Variants in HSD17B4 observed in about 807,000 individuals in gnomAD.
The protein encoded by HSD17B4 is peroxisomal multifunctional enzyme type 2.
In HSD17B4, 70 loss-of-function variants were observed where a neutral mutation model predicts 101.0. The ratio of observed to expected loss-of-function variants is 0.69; its 90% CI spans 0.57 to 0.85. The LOEUF (loss-of-function observed/expected upper bound fraction) is 0.85. Ranked by LOEUF, HSD17B4 falls within the 40% of genes least tolerant of loss-of-function variation. HSD17B4 has a pLI of 0.00. For missense variants in HSD17B4, 984 were observed against 892.4 expected (o/e 1.10, Z -1.31); for synonymous variants, 347 against 297.1 (o/e 1.17, Z -1.73).
chr5:119,462,627 G>A (rs1488025338), intron 2 of HSD17B4, among the ~76,000 whole-genome samples: 3 of 152,014 alleles, frequency 2.0e-5, no homozygotes, highest in African/African-American at 7.2e-5. Context: ...ACATGTTATG[G>A]ATACAATTCT....
intron 2 of HSD17B4, among the ~76,000 whole-genome samples, chr5:119,470,734 G>C (rs902072241): frequency 6.6e-6 from 1 of 152,202 alleles, no homozygotes; most frequent in South Asian, 2.1e-4. Flanking sequence ...TCTACCTGAA[G>C]TGCTGTTATT....
intron 16 of HSD17B4, among the ~76,000 whole-genome samples, chr5:119,511,930 TTAG>T (rs1384660063): frequency 6.6e-6 from 1 of 152,142 alleles, no homozygotes; most frequent in East Asian, 1.9e-4. Context: ...TTGAGAGAAC[TTAG>T]TAGACAGACT....
chr5:119,479,927 A>G (rs752623895), intron 8 of HSD17B4, among the ~76,000 whole-genome samples: 14 of 152,190 alleles, frequency 9.2e-5, no homozygotes, highest in Admixed American at 2.0e-4. Flanking sequence ...ACTATCTTCC[A>G]AAATGATTGT....
intron 16 of HSD17B4, among the ~76,000 whole-genome samples, chr5:119,512,572 A>AG (rs959386192): frequency 6.6e-6 from 1 of 152,166 alleles, no homozygotes; most frequent in Non-Finnish European, 1.5e-5. Context: ...GGAAAAAAAA[A>AG]AAATACCACA....
At chr5:119,459,393 A>G (rs771654600) in intron 2 of HSD17B4, among the ~76,000 whole-genome samples, 2 of 152,208 alleles carry the variant, frequency 1.3e-5, no homozygotes, top group Admixed American at 6.5e-5. Context: ...CACTCTGCTC[A>G]AGAACTGGAT....
intron 23 of HSD17B4, among the ~76,000 whole-genome samples, chr5:119,538,649 C>T (rs1754729567): frequency 6.6e-6 from 1 of 152,124 alleles, no homozygotes; most frequent in Non-Finnish European, 1.5e-5. Context: ...TGCCACTTGC[C>T]CCATCACCTG....
At chr5:119,467,289 G>A (rs1270721517) in intron 2 of HSD17B4, among the ~76,000 whole-genome samples, 1 of 152,206 alleles carries the variant, frequency 6.6e-6, no homozygotes, top group Non-Finnish European at 1.5e-5. Context: ...TTCTAGAGCA[G>A]TGGTCTTTTT....
intron 2 of HSD17B4, chr5:119,471,532 G>GA (rs1280928374): frequency 4.9e-4 from 218 of 444,308 alleles, no homozygotes; most frequent in Admixed American, 1.0e-3. Context: ...TTTTTCAGAA[G>GA]AAAAAAAAAT....
intron 2 of HSD17B4, among the ~76,000 whole-genome samples, chr5:119,470,768 G>C (rs257972): frequency 0.37 from 56,122 of 152,068 alleles, 12,471 homozygotes; most frequent in East Asian, 0.5. Context: ...CTTCTCTGCG[G>C]AGGAGACAAG....
intron 10 of HSD17B4, chr5:119,492,500 A>G: frequency 4.7e-6 from 1 of 211,632 alleles, no homozygotes; most frequent in Non-Finnish European, 9.6e-6. Flanking sequence ...TGTTTTGGAA[A>G]AAGATGGGTT....
chr5:119,473,548 C>A (rs1748244472), intron 2 of HSD17B4, among the ~76,000 whole-genome samples: 2 of 151,910 alleles, frequency 1.3e-5, no homozygotes. Flanking sequence ...GTCTTAGACT[C>A]CTGAGCTCAG....
intron 23 of HSD17B4, among the ~76,000 whole-genome samples, chr5:119,538,459 A>C (rs988086296): frequency 3.9e-5 from 6 of 152,176 alleles, no homozygotes; most frequent in African/African-American, 1.4e-4. Flanking sequence ...AAATCAGATT[A>C]GATTATTTAT....
At chr5:119,465,026 T>A in intron 2 of HSD17B4, among the ~76,000 whole-genome samples, 1 of 152,160 alleles carries the variant, frequency 6.6e-6, no homozygotes, top group East Asian at 1.9e-4. Context: ...GGATTTTTTT[T>A]TTTTTCTGTT....
rs188102365 is a variant in HSD17B4 at position 119,535,492 on chromosome 5, A to G, written c.1994-931A>G. ...TGAGATATTTGAAGGCTGGAGACCA[A>G]TTATTTTATAGCTTGTTTCTTGGTT... On this transcript the variant is annotated intron_variant, in intron 22 of 23. Transcript: ENST00000510025. Among the ~76,000 whole-genome samples, 435 of 151,920 alleles carry G rather than the reference A, an allele frequency of 2.9e-3. 2 individuals are homozygous for G. Among genetic ancestry groups the G allele is most frequent in the African/African-American group, 3.7e-3 (153 of 41,512 alleles).
intron 8 of HSD17B4, among the ~76,000 whole-genome samples, chr5:119,483,909 TA>T (rs1258440556): frequency 2.0e-5 from 3 of 152,202 alleles, no homozygotes; most frequent in Non-Finnish European, 4.4e-5. Context: ...AAATTCATAT[TA>T]AAATTTTCTA....
Position 119,489,228 on chromosome 5 carries a change from C to G in HSD17B4, c.659C>G (p.Pro220Arg). 6.2e-7 allele frequency: 1 copy of G among 1,612,580 alleles called. No homozygotes were observed. Among genetic ancestry groups the G allele is most frequent in the Non-Finnish European group, 8.5e-7 (1 of 1,178,910 alleles). The change falls in exon 9 of 24, where the codon CCT becomes CGT. Residue 220 changes from proline to arginine, a missense_variant. By Grantham distance (103) the Pro-to-Arg change is moderately radical. Coordinates refer to ENST00000510025, the MANE Select transcript of HSD17B4 (RefSeq NM_000414.4). The stretch of plus-strand genomic sequence containing the variant: ...GCCCTGAAGCCAGAGTATGTGGCAC[C>G]TCTTGTCCTTTGGCTTTGTCACGAG... ...VEALKPEYVA[P>R]LVLWLCHESC...
At chr5:119,479,463 G>A (rs1748911453) in intron 8 of HSD17B4, among the ~76,000 whole-genome samples, 1 of 152,130 alleles carries the variant, frequency 6.6e-6, no homozygotes. Context: ...TGATGAACCA[G>A]TATGGAGCCG....
At chr5:119,473,118 G>C (rs916977012) in intron 2 of HSD17B4, among the ~76,000 whole-genome samples, 2 of 152,036 alleles carry the variant, frequency 1.3e-5, no homozygotes, top group African/African-American at 4.8e-5. Context: ...TATTTGAAGA[G>C]AATTTCAAGT....
At chr5:119,472,402 G>T (rs1021362130) in intron 2 of HSD17B4, 2 of 151,882 alleles carry the variant, frequency 1.3e-5, no homozygotes, top group Admixed American at 6.6e-5. Context: ...TTGTATAGCC[G>T]ATCTCTAGAA....
Sources: allele counts gnomAD v4.1 joint callset (sites outside exome capture counted in the v4.1 genomes callset), GRCh38; gene constraint gnomAD v4.1.1; transcripts MANE v1.5; gene names NCBI Gene and HGNC (gene_info 2026-07-23, HGNC 2026-07-21).